The following CCSER1 variants were observed in gnomAD, a reference collection of about 807,000 sequenced individuals.
CCSER1 encodes the protein serine-rich coiled-coil domain-containing protein 1.
A neutral mutation model predicts 82.0 loss-of-function variants in CCSER1; 41 were observed. The ratio of observed to expected loss-of-function variants is 0.50; its 90% CI spans 0.39 to 0.65. CCSER1 has a LOEUF of 0.65. Among genes scored for constraint, CCSER1 ranks in the 30% least tolerant of loss-of-function variants. The pLI, the probability that CCSER1 is intolerant of heterozygous loss-of-function variation, is 0.00. For missense variants in CCSER1, 1,119 were observed against 1,064.2 expected (o/e 1.05, Z -0.72); for synonymous variants, 414 against 383.9 (o/e 1.08, Z -0.92).
At chr4:90,174,842 A>C (rs1016712806) in intron 1 of CCSER1, among the ~76,000 whole-genome samples, 3 of 152,018 alleles carry the variant, frequency 2.0e-5, no homozygotes, top group African/African-American at 7.2e-5. Context: ...TACAATTAAA[A>C]AGATTGATTG....
At chr4:90,989,672 A>C (rs1736857810) in intron 9 of CCSER1, among the ~76,000 whole-genome samples, 1 of 151,824 alleles carries the variant, frequency 6.6e-6, no homozygotes, top group African/African-American at 2.4e-5. Flanking sequence ...CAGATGCATA[A>C]GACTAAAAAT....
chr4:90,228,527 A>C (rs1373545946), intron 1 of CCSER1, among the ~76,000 whole-genome samples: 3 of 152,178 alleles, frequency 2.0e-5, no homozygotes, highest in Admixed American at 6.5e-5. Context: ...GGGAAAAAAC[A>C]GAGCAGAAAA....
Position 90,153,830 on chromosome 4 carries a change from G to A in CCSER1, c.-42+25999G>A, listed in dbSNP as rs916612095. 5.3e-5 allele frequency among the ~76,000 whole-genome samples: 8 copies of A among 152,112 alleles called. 1 individual carries two copies. Among genetic ancestry groups the A allele is most frequent in the African/African-American group, 1.9e-4 (8 of 41,404 alleles). On this transcript the variant is annotated intron_variant, in intron 1 of 10. Transcript: ENST00000509176. ...GCGAAAATTTTCTCCCATTTTGTAG[G>A]TTGCCTATTCACTCTGATGGTAGTT...
intron 3 of CCSER1, among the ~76,000 whole-genome samples, chr4:90,384,376 C>T (rs943004430): frequency 6.1e-5 from 9 of 147,192 alleles, no homozygotes; most frequent in African/African-American, 2.0e-4. Flanking sequence ...CAAATCACCA[C>T]ATGTTCTCAC....
intron 10 of CCSER1, among the ~76,000 whole-genome samples, chr4:91,194,432 TA>T (rs1229996857): frequency 6.6e-6 from 1 of 151,992 alleles, no homozygotes; most frequent in East Asian, 1.9e-4. Context: ...CAATAAGAAG[TA>T]AAAATAGATA....
chr4:91,576,566 G>A (rs1763460358), intron 10 of CCSER1, among the ~76,000 whole-genome samples: 1 of 151,894 alleles, frequency 6.6e-6, no homozygotes. Context: ...TATCCGAAAT[G>A]TTTGGGACCA....
chr4:90,642,019 G>C, intron 6 of CCSER1: 1 of 280,692 alleles, frequency 3.6e-6, no homozygotes, highest in Non-Finnish European at 8.1e-6. Context: ...GGCTAAATCC[G>C]ACATTAAGAA....
chr4:90,734,208 C>T (rs1745272239), intron 7 of CCSER1, among the ~76,000 whole-genome samples: 1 of 152,026 alleles, frequency 6.6e-6, no homozygotes, highest in South Asian at 2.1e-4. Flanking sequence ...TCACTGCAAG[C>T]TCTGCCTCCT....
At chr4:90,616,225 T>C (rs1721164284) in intron 5 of CCSER1, among the ~76,000 whole-genome samples, 1 of 152,218 alleles carries the variant, frequency 6.6e-6, no homozygotes, top group African/African-American at 2.4e-5. Context: ...TATTTGCTTA[T>C]TGCAGTGGCA....
intron 5 of CCSER1, among the ~76,000 whole-genome samples, chr4:90,484,390 T>A (rs1004816410): frequency 1.3e-5 from 2 of 152,180 alleles, no homozygotes; most frequent in Non-Finnish European, 2.9e-5. Context: ...TCATTCTCCA[T>A]CCAGCTTTAT....
chr4:90,229,583 T>C (rs1029086439), intron 1 of CCSER1, among the ~76,000 whole-genome samples: 7 of 151,176 alleles, frequency 4.6e-5, no homozygotes, highest in Non-Finnish European at 7.4e-5. Context: ...AATAACCAGC[T>C]AACATCATAA....
At chr4:90,571,196 A>T (rs1452427240) in intron 5 of CCSER1, among the ~76,000 whole-genome samples, 1 of 152,208 alleles carries the variant, frequency 6.6e-6, no homozygotes, top group Non-Finnish European at 1.5e-5. Context: ...CTAAAAATAG[A>T]ACAACCATTC....
chr4:90,733,895 A>G (rs1460772397), intron 7 of CCSER1, among the ~76,000 whole-genome samples: 2 of 151,960 alleles, frequency 1.3e-5, no homozygotes, highest in East Asian at 1.9e-4. Flanking sequence ...GTCTGTTTTT[A>G]TGCTAGTACC....
rs1749684438 is a variant in CCSER1 at position 90,384,331 on chromosome 4, C to T, written c.1510-15705C>T. On this transcript the variant is annotated intron_variant, in intron 3 of 10. Coordinates refer to ENST00000509176, the MANE Select transcript of CCSER1 (RefSeq NM_001145065.2). ...TAGGGACATGGATGAAGCTGGAAAC[C>T]ATCATTCTCAGCAAACTATCACAAG... 2.3e-5 allele frequency among the ~76,000 whole-genome samples: 3 copies of T among 130,376 alleles called. No individual in the cohort carries two copies. The Admixed American group carries it at 2.8e-4, about 12-fold the overall frequency. 85.5% of individuals were successfully genotyped at this position (130,376 alleles called of 152,430 possible).
rs1319995443 is a variant in CCSER1, at chr4:91,598,593, G to C, written c.2239G>C (p.Val747Leu). ...ATAGGCTACATATCGAAATCGAATT[G>C]TGAGCCAAAATCTCAGCACAAGGGA... ...GREATYRNRI[V>L]SQNLSTRDRK... Residue 747 changes from valine (V) to leucine (L), a missense_variant, in exon 11 of 11, where the codon GTG becomes CTG. Transcript: ENST00000509176. 3.2e-6 allele frequency: 5 copies of C among 1,548,214 alleles called. No individual in the cohort carries two copies. In the East Asian group the frequency reaches 9.8e-5, roughly 30 times the overall value.
rs548791193 is a variant in CCSER1 at position 91,507,995 on chromosome 4, T to C, written c.2218-90577T>C. On this transcript the variant is annotated intron_variant, in intron 10 of 10. Transcript: ENST00000509176. ...TTCATCAATTTCTTAGGATTTTCTATATATATATATATATATGAAATTATG... is the reference window on the plus strand; with the variant it reads ...TTCATCAATTTCTTAGGATTTTCTACATATATATATATATATGAAATTATG... Among the ~76,000 whole-genome samples the C allele has an allele frequency of 3.2e-5, 3 of 95,004 alleles. No individual in the cohort carries two copies. The East Asian group carries it at 1.1e-3, about 36-fold the overall frequency. The allele number at this position is 95,004 out of a possible 152,430, so 62.3% of individuals were successfully genotyped here.
intron 10 of CCSER1, among the ~76,000 whole-genome samples, chr4:91,336,333 T>G (rs769810283): frequency 3.3e-5 from 5 of 152,140 alleles, no homozygotes; most frequent in Non-Finnish European, 5.9e-5. Context: ...TTTATGAGCT[T>G]CAAGTATTTA....
At chr4:91,303,416 A>C (rs1744816047) in intron 10 of CCSER1, among the ~76,000 whole-genome samples, 1 of 152,034 alleles carries the variant, frequency 6.6e-6, no homozygotes, top group Non-Finnish European at 1.5e-5. Context: ...ACATAGGCAA[A>C]AAGTAAGGAA....
chr4:90,430,245 T>C (rs1226237919), intron 4 of CCSER1, among the ~76,000 whole-genome samples: 1 of 151,950 alleles, frequency 6.6e-6, no homozygotes, highest in Non-Finnish European at 1.5e-5. Context: ...TATCATGTTA[T>C]AGCTAACATT....
Sources: gnomAD v4.1 joint callset for allele counts (sites outside exome capture counted in the v4.1 genomes callset) on GRCh38, gnomAD v4.1.1 for gene constraint, MANE v1.5 for transcripts, NCBI Gene and HGNC (gene_info 2026-07-23, HGNC 2026-07-21) for gene names.